The following SMCHD1 variants were observed in gnomAD, a reference collection of about 807,000 sequenced individuals.
The protein encoded by SMCHD1 is structural maintenance of chromosomes flexible hinge domain-containing protein 1.
A neutral mutation model predicts 254.7 loss-of-function variants in SMCHD1; 78 were observed. That is an observed-to-expected ratio of 0.31 (90% CI 0.26 to 0.37). SMCHD1 has a LOEUF of 0.37. Among genes scored for constraint, SMCHD1 ranks in the 10% least tolerant of loss-of-function variants. The pLI is 1.00. For synonymous variants in SMCHD1, 766 were observed against 794.9 expected, an observed-to-expected ratio of 0.96 and a Z score of 0.61; for missense variants, 1,840 against 2,408.1, an observed-to-expected ratio of 0.76 and a Z score of 4.94.
intron 36 of SMCHD1, 146 bp from the exon 37 acceptor site, chr18:2,763,491 A>T: frequency 1.6e-6 from 1 of 618,090 alleles, no homozygotes; most frequent in Non-Finnish European, 2.5e-6. Flanking sequence ...ACTCAAACTT[A>T]GAACTGAATT....
In SMCHD1 at chr18:2,688,484, C is replaced by T; in HGVS notation, c.729C>T (p.Val243=). ...TTGGTGTTGGGGGCAAGCAAGCTGT[C>T]TTCTTTGTTGGACAATCAGCCAGAG... ...SYFGVGGKQA[V]FFVGQSARMI... Residue 243 remains valine (V), a synonymous_variant, in exon 6 of 48, where the codon GTC becomes GTT. Transcript: ENST00000320876. 1 of 1,613,606 alleles carries T rather than the reference C, an allele frequency of 6.2e-7. No individual in the cohort carries two copies. The highest frequency in any genetic ancestry group is 8.5e-7 in the Non-Finnish European group (1 of 1,179,588).
Position 2,738,296 on chromosome 18 carries a change from G to A in SMCHD1, c.3277-101G>A, listed in dbSNP as rs2075287077. The A allele has an allele frequency of 5.4e-6, 6 of 1,108,088 alleles. No homozygotes were observed. The South Asian group carries it at 9.5e-5, about 17-fold the overall frequency. The allele number at this position is 1,108,088 out of a possible 1,614,324, so 68.6% of individuals were successfully genotyped here. On this transcript the variant is annotated intron_variant, in intron 25 of 47. Transcript: ENST00000320876. ...ATAAAGAGACTTTTTTCTTGGGGGT[G>A]AAGAAGACGGATTATAATGTAGTTT...
intron 44 of SMCHD1, among the ~76,000 whole-genome samples, chr18:2,779,736 C>T (rs1395437339): frequency 6.6e-6 from 1 of 152,092 alleles, no homozygotes; most frequent in East Asian, 1.9e-4. Flanking sequence ...TGCTTGAACC[C>T]AAGAGTTCAA....
At chr18:2,661,504 T>TA (rs1307764302) in intron 1 of SMCHD1, among the ~76,000 whole-genome samples, 1 of 150,912 alleles carries the variant, frequency 6.6e-6, no homozygotes, top group Non-Finnish European at 1.5e-5. Flanking sequence ...TAATATGGAT[T>TA]AAAAAACATC....
At chr18:2,793,568 G>A (rs11660119) in intron 45 of SMCHD1, among the ~76,000 whole-genome samples, 43,450 of 150,500 alleles carry the variant, frequency 0.29, 6,512 homozygotes, top group East Asian at 0.5. Context: ...GGGAGGCTGA[G>A]GCAGGAGAAT....
chr18:2,781,139 A>G (rs1444538396), intron 44 of SMCHD1, among the ~76,000 whole-genome samples: 1 of 152,246 alleles, frequency 6.6e-6, no homozygotes, highest in Non-Finnish European at 1.5e-5. Context: ...GAGTCTGATA[A>G]CTGGGGACAC....
chr18:2,772,418 T>C (rs755009665), intron 41 of SMCHD1, 46 bp downstream of exon 41: 1 of 1,458,704 alleles, frequency 6.9e-7, no homozygotes, highest in Non-Finnish European at 9.1e-7. Flanking sequence ...TTTTATTATC[T>C]TGTTTGTTTA....
Position 2,708,343 on chromosome 18 carries a change from G to A in SMCHD1, c.2260+423G>A, listed in dbSNP as rs115637204. ...ACTGCATTTCTTCCTGGAGGTTCTGGGTGAGCCTTGCCTTTTCTGCCTTTT... is the reference window on the plus strand; with the variant it reads ...ACTGCATTTCTTCCTGGAGGTTCTGAGTGAGCCTTGCCTTTTCTGCCTTTT... On this transcript the variant is annotated intron_variant, in intron 17 of 47. Coordinates refer to ENST00000320876, the MANE Select transcript of SMCHD1 (RefSeq NM_015295.3). Among the ~76,000 whole-genome samples the A allele has an allele frequency of 8.8e-3, 1,331 of 152,086 alleles. 22 individuals carry two copies. Among genetic ancestry groups the A allele is most frequent in the African/African-American group, 0.03 (1,261 of 41,488 alleles).
chr18:2,760,621 G>A, intron 34 of SMCHD1, 31 bp from the exon 35 acceptor site: 1 of 1,192,926 alleles, frequency 8.4e-7, no homozygotes, highest in Non-Finnish European at 1.3e-6. Flanking sequence ...TACAAACATT[G>A]TCAGTAATCT....
chr18:2,721,907 T>G (rs1177549838), intron 19 of SMCHD1, among the ~76,000 whole-genome samples: 2 of 152,174 alleles, frequency 1.3e-5, no homozygotes, highest in Non-Finnish European at 2.9e-5. Context: ...AATTTCACCC[T>G]GAGTTTCTGA....
rs2074388177 is a variant in SMCHD1 at position 2,701,056 on chromosome 18, A to T, written c.1647+138A>T. The T allele has an allele frequency of 8.5e-6, 5 of 588,270 alleles. No homozygotes were observed. The Admixed American group carries it at 1.4e-4, about 16-fold the overall frequency. The allele number at this position is 588,270 out of a possible 1,614,324, so 36.4% of individuals were successfully genotyped here. A position where few individuals can be genotyped will look rare whatever the true frequency, so the allele number is the denominator to read the frequency against. ...GTATAAATTTTTTTATGAGCAGTCA[A>T]GTGTTCACATTACTAAAAAATTTAA... On this transcript the variant is annotated intron_variant, in intron 12 of 47. Transcript: ENST00000320876.
intron 47 of SMCHD1, chr18:2,800,654 A>C (rs1366638230): frequency 6.6e-6 from 1 of 152,176 alleles, no homozygotes; most frequent in Non-Finnish European, 1.5e-5. Flanking sequence ...CCACATGTTT[A>C]AAGCAAAACC....
At chr18:2,759,715 G>A (rs148825312) in intron 34 of SMCHD1, among the ~76,000 whole-genome samples, 74 of 151,326 alleles carry the variant, frequency 4.9e-4, no homozygotes, top group Non-Finnish European at 8.0e-4. Flanking sequence ...GACTACAGGC[G>A]CACACCACCA....
chr18:2,719,675 T>TC (rs1368392641), intron 19 of SMCHD1, among the ~76,000 whole-genome samples: 1 of 22,676 alleles, frequency 4.4e-5, no homozygotes, highest in Non-Finnish European at 7.8e-5. Context: ...TCACTGCACC[T>TC]AATTTTTTTT....
intron 41 of SMCHD1, among the ~76,000 whole-genome samples, chr18:2,774,685 A>G (rs2076037339): frequency 6.6e-6 from 1 of 152,190 alleles, no homozygotes; most frequent in Non-Finnish European, 1.5e-5. Flanking sequence ...TGCTAGTAAT[A>G]CAGTCTTGGG....
chr18:2,737,545 A>G (rs1305539670), intron 25 of SMCHD1, among the ~76,000 whole-genome samples: 1 of 150,730 alleles, frequency 6.6e-6, no homozygotes, highest in Admixed American at 6.7e-5. Context: ...ACATAGTGAG[A>G]CCACATCTCA....
chr18:2,793,615 A>G (rs2076207170), intron 45 of SMCHD1, among the ~76,000 whole-genome samples: 1 of 144,206 alleles, frequency 6.9e-6, no homozygotes, highest in Admixed American at 7.5e-5. Context: ...CAGTGAGCCA[A>G]GATCGCGCCA....
chr18:2,662,172 A>AAT, intron 1 of SMCHD1, among the ~76,000 whole-genome samples: 1 of 91,412 alleles, frequency 1.1e-5, no homozygotes, highest in African/African-American at 7.4e-5. Flanking sequence ...TCTCAAAAAA[A>AAT]AAAAAATAAA....
At chr18:2,767,022 G>A (rs2075880274) in intron 37 of SMCHD1, among the ~76,000 whole-genome samples, 1 of 152,146 alleles carries the variant, frequency 6.6e-6, no homozygotes, top group South Asian at 2.1e-4. Flanking sequence ...CACTTTGGGA[G>A]GCCAAGGTAG....
Sources: gnomAD v4.1 joint callset for allele counts (sites outside exome capture counted in the v4.1 genomes callset) on GRCh38, gnomAD v4.1.1 for gene constraint, MANE v1.5 for transcripts, NCBI Gene and HGNC (gene_info 2026-07-23, HGNC 2026-07-21) for gene names.